The following NRXN3 variants were observed in gnomAD, a reference collection of about 807,000 sequenced individuals.
The protein encoded by NRXN3 is neurexin 3, also known as neurexin III.
In NRXN3, 32 loss-of-function variants were observed where a neutral mutation model predicts 137.6. The ratio of observed to expected loss-of-function variants is 0.23; its 90% confidence interval spans 0.18 to 0.31. The LOEUF is 0.31. Ranked by LOEUF, NRXN3 falls within the 10% of genes least tolerant of loss-of-function variation. The pLI is 1.00. For missense variants in NRXN3, 1,574 were observed against 2,062.5 expected, an observed-to-expected ratio of 0.76 and a Z score of 4.59; for synonymous variants, 798 against 784.5, an observed-to-expected ratio of 1.02 and a Z score of -0.29.
intron 16 of NRXN3, among the ~76,000 whole-genome samples, chr14:79,547,909 T>C (rs1307344221): frequency 6.6e-6 from 1 of 152,190 alleles, no homozygotes; most frequent in African/African-American, 2.4e-5. Context: ...TTGCTGCAAT[T>C]GTCCTTTGAC....
intron 15 of NRXN3, among the ~76,000 whole-genome samples, chr14:79,067,441 C>G (rs894709319): frequency 6.6e-6 from 1 of 152,000 alleles, no homozygotes; most frequent in Non-Finnish European, 1.5e-5. Flanking sequence ...TTTGTTGTGT[C>G]TCTGCCAGGT....
Position 79,494,348 on chromosome 14 carries a change from GT to G in NRXN3, c.3444+26947del, listed in dbSNP as rs540623895. On this transcript the variant is annotated intron_variant, in intron 16 of 20. Coordinates refer to ENST00000335750, the MANE Select transcript of NRXN3 (RefSeq NM_001330195.2). Reference sequence around the variant, plus strand: ...TCAGAAACTCTGACTCCTAAAGGGGGTCAGTAACTCTGGGAAGACTATTTCT... The same window carrying G: ...TCAGAAACTCTGACTCCTAAAGGGGGCAGTAACTCTGGGAAGACTATTTCT... Among the ~76,000 whole-genome samples the G allele has an allele frequency of 4.5e-4, 69 of 152,278 alleles. No homozygotes were observed. The Middle Eastern group carries it at 0.014, about 30-fold the overall frequency.
intron 4 of NRXN3, among the ~76,000 whole-genome samples, chr14:78,506,861 C>T (rs1260810089): frequency 6.6e-6 from 1 of 151,786 alleles, no homozygotes; most frequent in African/African-American, 2.4e-5. Flanking sequence ...TGTTTATTTC[C>T]CTGATAATTA....
intron 16 of NRXN3, among the ~76,000 whole-genome samples, chr14:79,560,504 C>CTTTTTTGTTTTTTTTTTT (rs2097482437): frequency 2.3e-5 from 1 of 43,768 alleles, no homozygotes; most frequent in Admixed American, 4.2e-4. Context: ...AGATTGTAAG[C>CTTTTTTGTTTTTTTTTTT]TTTTTTTTTT....
intron 15 of NRXN3, among the ~76,000 whole-genome samples, chr14:79,079,741 G>A (rs897477224): frequency 1.3e-5 from 2 of 152,138 alleles, no homozygotes; most frequent in African/African-American, 4.8e-5. Context: ...TGTAATCCCA[G>A]CATTTTGGGA....
intron 16 of NRXN3, among the ~76,000 whole-genome samples, chr14:79,588,979 A>G (rs1248192853): frequency 6.6e-6 from 1 of 152,168 alleles, no homozygotes; most frequent in Non-Finnish European, 1.5e-5. Context: ...TTGAGGCTGG[A>G]CACAGTGACT....
At chr14:79,103,978 A>G (rs1290975691) in intron 15 of NRXN3, among the ~76,000 whole-genome samples, 2 of 152,126 alleles carry the variant, frequency 1.3e-5, no homozygotes, top group Admixed American at 1.3e-4. Flanking sequence ...ATGTGCACAC[A>G]TATGAATAGA....
At chr14:79,805,302 G>GC in intron 20 of NRXN3, 112 bp downstream of exon 20, 3 of 581,454 alleles carry the variant, frequency 5.2e-6, no homozygotes, top group Non-Finnish European at 8.8e-6. Context: ...GTGTGTTAAT[G>GC]TGTGTATATT....
Position 79,467,396 on chromosome 14 carries a change from T to C in NRXN3, c.3438T>C (p.Leu1146=), listed in dbSNP as rs770021462. Residue 1146 remains leucine (L), a synonymous_variant, in exon 16 of 21, where the codon CTT becomes CTC. Coordinates refer to ENST00000335750, the MANE Select transcript of NRXN3 (RefSeq NM_001330195.2). ...SAPGLGDFLQ[L]HIEQGKIGVV... is the part of the protein sequence containing the mutation. ...CAGGACTTGGTGACTTCCTCCAGCT[T>C]CACATAGTGAGTACAGGGCCTTGGC... 1 of 1,604,236 alleles carries C rather than the reference T, an allele frequency of 6.2e-7. No homozygotes were observed. The highest frequency in any genetic ancestry group is 8.5e-7 in the Non-Finnish European group (1 of 1,172,000).
chr14:79,443,488 C>T (rs956595355), intron 15 of NRXN3, among the ~76,000 whole-genome samples: 3 of 152,074 alleles, frequency 2.0e-5, no homozygotes, highest in African/African-American at 7.2e-5. Context: ...GAAAGTGATA[C>T]TTGTACTACG....
At position 78,709,472 on chromosome 14, in the gene NRXN3, G is replaced by A. The variant is rs148371115; in HGVS notation, c.1477G>A (p.Glu493Lys). 72 of 1,614,030 alleles carry A rather than the reference G, an allele frequency of 4.5e-5. No individual in the cohort carries two copies. Among genetic ancestry groups the A allele is most frequent in the Non-Finnish European group, 5.8e-5 (68 of 1,180,032 alleles). The change falls in exon 7 of 21, where the codon GAG becomes AAG. Residue 493 changes from glutamate to lysine, a missense_variant. Around this residue, in one of 5 missense-constraint regions of NRXN3, gnomAD observed 718 missense variants for 887.6 expected, o/e 0.81. Coordinates refer to ENST00000335750, the MANE Select transcript of NRXN3 (RefSeq NM_001330195.2). ...LILFTHGKPQERKDARSQKNT... is the reference protein window; with the variant it reads ...LILFTHGKPQKRKDARSQKNT... ...CCTCTTCACTCATGGAAAGCCCCAA[G>A]AGAGGAAGGATGCTCGGAGCCAGAA...
At chr14:79,813,142 CA>C (rs894959210) in intron 20 of NRXN3, among the ~76,000 whole-genome samples, 81 of 152,264 alleles carry the variant, frequency 5.3e-4, no homozygotes, top group African/African-American at 1.9e-3. Context: ...CAGAAATTCA[CA>C]CCATCATTCT....
At chr14:78,171,347 TGTGTGTGTGTGTGCGCGG>T (rs2153311068) in intron 1 of NRXN3, among the ~76,000 whole-genome samples, 1 of 151,336 alleles carries the variant, frequency 6.6e-6, no homozygotes, top group African/African-American at 2.4e-5. Context: ...TGTGAGTGTG[TGTGTGTGTGTGTGCGCGG>T]GTGTGTGCTC....
intron 4 of NRXN3, among the ~76,000 whole-genome samples, chr14:78,616,936 A>G (rs2097352529): frequency 6.6e-6 from 1 of 152,204 alleles, no homozygotes; most frequent in African/African-American, 2.4e-5. Context: ...TAATATTAGG[A>G]TATTACTGTC....
At chr14:78,675,542 G>T (rs903797827) in intron 6 of NRXN3, among the ~76,000 whole-genome samples, 6 of 152,046 alleles carry the variant, frequency 3.9e-5, no homozygotes, top group African/African-American at 1.2e-4. Context: ...AGTTAATTTT[G>T]CCCTAGATCA....
At chr14:79,232,046 G>A (rs557062088) in intron 15 of NRXN3, among the ~76,000 whole-genome samples, 17 of 152,264 alleles carry the variant, frequency 1.1e-4, no homozygotes, top group Non-Finnish European at 1.5e-5. Context: ...ATTGGAAAGG[G>A]AAGGAACATA....
chr14:79,833,600 T>C (rs2099329262), intron 20 of NRXN3, among the ~76,000 whole-genome samples: 1 of 142,154 alleles, frequency 7.0e-6, no homozygotes, highest in Non-Finnish European at 1.5e-5. Flanking sequence ...AGATTCTCAA[T>C]AGGGTTTATT....
intron 15 of NRXN3, among the ~76,000 whole-genome samples, chr14:79,141,094 G>A (rs577814896): frequency 6.6e-6 from 1 of 152,250 alleles, no homozygotes; most frequent in African/African-American, 2.4e-5. Context: ...AATGGAACAG[G>A]TGTCTTTTTC....
At chr14:78,225,875 C>T (rs1210919898) in intron 1 of NRXN3, among the ~76,000 whole-genome samples, 3 of 152,114 alleles carry the variant, frequency 2.0e-5, no homozygotes, top group African/African-American at 7.2e-5. Flanking sequence ...TATCTCTCCT[C>T]ACCCACTAAA....
Sources: gnomAD v4.1 joint callset for allele counts (sites outside exome capture counted in the v4.1 genomes callset) on GRCh38, gnomAD v4.1.1 for gene constraint, gnomAD v4.1.1 regional missense constraint, MANE v1.5 for transcripts, NCBI Gene and HGNC (gene_info 2026-07-23, HGNC 2026-07-21) for gene names.